F2R: variants seen among roughly 807,000 people sequenced by gnomAD.
F2R encodes proteinase-activated receptor 1.
Under a neutral mutation model 18.3 loss-of-function variants are expected in F2R, and 12 were observed. The observed-to-expected ratio is 0.66, with a 90% confidence interval of 0.42 to 1.06. The LOEUF is 1.06. Ranked by LOEUF, F2R falls within the 50% of genes least tolerant of loss-of-function variation. The pLI is 0.00. For synonymous variants in F2R, 210 were observed against 219.9 expected (o/e 0.95, Z 0.40); for missense variants, 438 against 530.8 (o/e 0.83, Z 1.72).
intron 1 of F2R, among the ~76,000 whole-genome samples, chr5:76,718,433 C>A: frequency 6.6e-6 from 1 of 152,222 alleles, no homozygotes; most frequent in East Asian, 1.9e-4. Context: ...CCTTGAACCG[C>A]CACCGCTGTG....
At position 76,732,298 on chromosome 5, in the gene F2R, T is replaced by A. The variant is rs762541696; in HGVS notation, c.89-16T>A. The A allele has an allele frequency of 1.5e-5, 23 of 1,556,628 alleles. No homozygotes were observed. In the South Asian group the frequency reaches 2.3e-4, roughly 16 times the overall value. On this transcript the variant is annotated splice_polypyrimidine_tract_variant and intron_variant, in intron 1 of 1. Coordinates refer to ENST00000319211, the MANE Select transcript of F2R (RefSeq NM_001992.5). ...TCACTTTTTACATTTAAAATTTTTT[T>A]AATTTTATTTTTCAGAATCAAAAGC... is the stretch of plus-strand genomic sequence containing the variant.
At position 76,722,074 on chromosome 5, in the gene F2R, T is replaced by C. The variant is rs1748467418; in HGVS notation, c.88+5679T>C. On this transcript the variant is annotated intron_variant, in intron 1 of 1. Transcript: ENST00000319211. ...GAACTGTTGTTTATTATTGTTCTTA[T>C]CATGTCTAGAACCTAATTTATTTGA... Among the ~76,000 whole-genome samples, 5 of 152,222 alleles carry C rather than the reference T, an allele frequency of 3.3e-5. No homozygotes were observed. The South Asian group carries it at 1.0e-3, about 32-fold the overall frequency.
chr5:76,729,431 A>G (rs1278527619), intron 1 of F2R, among the ~76,000 whole-genome samples: 2 of 152,282 alleles, frequency 1.3e-5, no homozygotes, highest in Middle Eastern at 3.4e-3. Context: ...TATGGTTTGC[A>G]AATATTTGCT....
intron 1 of F2R, among the ~76,000 whole-genome samples, chr5:76,718,372 G>T (rs1046462329): frequency 6.6e-6 from 1 of 152,216 alleles, no homozygotes; most frequent in South Asian, 2.1e-4. Context: ...AGCATTGTCT[G>T]TCATAAGGTA....
In F2R at chr5:76,733,644, G is replaced by A; in HGVS notation, c.*141G>A. On this transcript the variant is annotated 3_prime_UTR_variant, in exon 2 of 2. Coordinates refer to ENST00000319211, the MANE Select transcript of F2R (RefSeq NM_001992.5). ...ACTTGCATACCTGCTTTTTATGGGAGCTGTCAAGCATGTATTTTTGTCAAT... is the reference window on the plus strand; with the variant it reads ...ACTTGCATACCTGCTTTTTATGGGAACTGTCAAGCATGTATTTTTGTCAAT... 1.5e-6 allele frequency: 1 copy of A among 653,542 alleles called. No individual in the cohort carries two copies. The highest frequency in any genetic ancestry group is 2.6e-6 in the Non-Finnish European group (1 of 391,000). 40.5% of individuals were successfully genotyped at this position (653,542 alleles called of 1,614,324 possible).
intron 1 of F2R, among the ~76,000 whole-genome samples, chr5:76,726,852 CTCAT>C (rs1748569840): frequency 6.6e-6 from 1 of 152,198 alleles, no homozygotes. Context: ...CACCCACACA[CTCAT>C]TGTGATCTTG....
intron 1 of F2R, among the ~76,000 whole-genome samples, chr5:76,723,814 A>G (rs1457676122): frequency 1.3e-5 from 2 of 152,234 alleles, no homozygotes; most frequent in African/African-American, 4.8e-5. Context: ...AACATACCCA[A>G]AAATGAACAG....
intron 1 of F2R, among the ~76,000 whole-genome samples, chr5:76,728,503 A>G (rs1324028656): frequency 1.3e-5 from 2 of 152,034 alleles, no homozygotes; most frequent in Non-Finnish European, 2.9e-5. Context: ...CGGCTCATCC[A>G]TGTTGTTGCA....
chr5:76,716,262 G>A lies in F2R; in HGVS notation c.-46G>A. On this transcript the variant is annotated 5_prime_UTR_variant, in exon 1 of 2. Coordinates refer to ENST00000319211, the MANE Select transcript of F2R (RefSeq NM_001992.5). The stretch of plus-strand genomic sequence containing the variant: ...GAGAGAGGGTGAAGCGGAGCAGCCC[G>A]AGGCGGGGCAGCCTCCCGGAGCAGC... 3 of 1,321,672 alleles carry A rather than the reference G, an allele frequency of 2.3e-6. No homozygotes were observed. Among genetic ancestry groups the A allele is most frequent in the Non-Finnish European group, 1.9e-6 (2 of 1,035,748 alleles). The allele number at this position is 1,321,672 out of a possible 1,614,324, so 81.9% of individuals were successfully genotyped here. A position where few individuals can be genotyped will look rare whatever the true frequency, so the allele number is the denominator to read the frequency against.
Position 76,728,478 on chromosome 5 carries a change from A to T in F2R, c.89-3836A>T, listed in dbSNP as rs533539057. ...TTTCGGTGCCTGCCATATTTCACTTAACATTATGCCCTCTCGGCTCATCCA... is the reference window on the plus strand; with the variant it reads ...TTTCGGTGCCTGCCATATTTCACTTTACATTATGCCCTCTCGGCTCATCCA... On this transcript the variant is annotated intron_variant, in intron 1 of 1. Coordinates refer to ENST00000319211, the MANE Select transcript of F2R (RefSeq NM_001992.5). 2.0e-4 allele frequency among the ~76,000 whole-genome samples: 31 copies of T among 152,308 alleles called. 1 individual carries two copies. Among genetic ancestry groups the T allele is most frequent in the Non-Finnish European group, 3.8e-4 (26 of 68,022 alleles).
chr5:76,733,174 G>A lies in F2R; in HGVS notation c.949G>A (p.Ala317Thr). ...GTCCCGGGCTTTGTTCCTGTCAGCT[G>A]CTGTTTTCTGCATCTTCATCATTTG... ...KKSRALFLSA[A>T]VFCIFIICFG... The change falls in exon 2 of 2, where the codon GCT becomes ACT. Residue 317 changes from alanine (A) to threonine (T), a missense_variant. Ala to Thr is a moderately conservative substitution (Grantham distance 58). Coordinates refer to ENST00000319211, the MANE Select transcript of F2R (RefSeq NM_001992.5). The A allele has an allele frequency of 3.7e-6, 6 of 1,614,148 alleles. No individual in the cohort carries two copies. Among genetic ancestry groups the A allele is most frequent in the South Asian group, 3.3e-5 (3 of 91,084 alleles).
At chr5:76,716,455 G>C in intron 1 of F2R, 60 bp downstream of exon 1, 25 of 1,304,852 alleles carry the variant, frequency 1.9e-5, no homozygotes, top group Non-Finnish European at 2.3e-5. Flanking sequence ...AGACTGCGGG[G>C]GTCACTGTTG....
chr5:76,726,625 G>A (rs1748563560), intron 1 of F2R, among the ~76,000 whole-genome samples: 1 of 151,922 alleles, frequency 6.6e-6, no homozygotes, highest in South Asian at 2.1e-4. Context: ...TGCTTGAACT[G>A]GGGAGGCAGA....
At chr5:76,726,533 T>A (rs1748557539) in intron 1 of F2R, among the ~76,000 whole-genome samples, 1 of 148,568 alleles carries the variant, frequency 6.7e-6, no homozygotes, top group Non-Finnish European at 1.5e-5. Flanking sequence ...CGAGACTCTG[T>A]CTCAAAAAAA....
chr5:76,728,283 TCTAA>T (rs1300297897), intron 1 of F2R, among the ~76,000 whole-genome samples: 1 of 152,172 alleles, frequency 6.6e-6, no homozygotes, highest in African/African-American at 2.4e-5. Context: ...AAGAGATTTT[TCTAA>T]CTAATTCCTT....
rs778192329 is a variant in F2R, at chr5:76,733,077, C to T, written c.852C>T (p.Ile284=). Residue 284 remains isoleucine (I), a synonymous_variant, in exon 2 of 2, where the codon ATC becomes ATT. Transcript: ENST00000319211. Reference sequence around the variant, plus strand: ...CTGTCTTCTTTTTTGTGCCGCTGATCATTTCCACGGTCTGTTATGTGTCTA... The same window carrying T: ...CTGTCTTCTTTTTTGTGCCGCTGATTATTTCCACGGTCTGTTATGTGTCTA... The part of the protein sequence containing the change: ...FSAVFFFVPL[I]ISTVCYVSII... 4 of 1,614,186 alleles carry T rather than the reference C, an allele frequency of 2.5e-6. No homozygotes were observed. The South Asian group carries it at 4.4e-5, about 18-fold the overall frequency.
At position 76,732,890 on chromosome 5, in the gene F2R, CT is replaced by C; in HGVS notation, c.667del (p.Cys223ValfsTer12). ...SWRTLGRASF[T>X]CLAIWALAIA... Reference sequence around the variant, plus strand: ...CGTACTCTGGGAAGGGCTTCCTTCACTTGTCTGGCCATCTGGGCTTTGGCCA... The same window carrying C: ...CGTACTCTGGGAAGGGCTTCCTTCACTGTCTGGCCATCTGGGCTTTGGCCA... On this transcript the variant is annotated frameshift_variant, in exon 2 of 2. Transcript: ENST00000319211. LOFTEE classifies it high-confidence loss of function. 6.2e-7 allele frequency: 1 copy of C among 1,614,180 alleles called. No homozygotes were observed. Among genetic ancestry groups the C allele is most frequent in the Non-Finnish European group, 8.5e-7 (1 of 1,180,032 alleles).
chr5:76,716,352 G>T lies in F2R; in HGVS notation c.45G>T (p.Leu15=). ...RLLLVAACFS[L]CGPLLSARTR... ...TGCTGGTGGCCGCCTGCTTCAGTCT[G>T]TGCGGCCCGCTGTTGTCTGCCCGCA... The change falls in exon 1 of 2, where the codon CTG becomes CTT. Residue 15 remains leucine (L), a synonymous_variant. Coordinates refer to ENST00000319211, the MANE Select transcript of F2R (RefSeq NM_001992.5). 2 of 1,463,678 alleles carry T rather than the reference G, an allele frequency of 1.4e-6. No individual in the cohort carries two copies. The highest frequency in any genetic ancestry group is 1.8e-6 in the Non-Finnish European group (2 of 1,109,644). 90.7% of individuals were successfully genotyped at this position (1,463,678 alleles called of 1,614,324 possible).
intron 1 of F2R, among the ~76,000 whole-genome samples, chr5:76,726,863 C>CGG (rs1748570324): frequency 6.6e-6 from 1 of 152,232 alleles, no homozygotes. Context: ...TCATTGTGAT[C>CGG]TTGAGAACAG....
Sources: allele counts gnomAD v4.1 joint callset (sites outside exome capture counted in the v4.1 genomes callset), GRCh38; gene constraint gnomAD v4.1.1; transcripts MANE v1.5; gene names NCBI Gene and HGNC (gene_info 2026-07-23, HGNC 2026-07-21).